Variants in CNTN3 observed in about 807,000 individuals in gnomAD.
CNTN3 encodes contactin-3.
Under a neutral mutation model 119.1 loss-of-function variants are expected in CNTN3, and 60 were observed. The ratio of observed to expected loss-of-function variants is 0.50; its 90% confidence interval spans 0.41 to 0.62. The LOEUF (loss-of-function observed/expected upper bound fraction) is 0.62, where lower values mean the gene tolerates loss of function less well. Ranked by LOEUF, CNTN3 falls within the 20% of genes least tolerant of loss-of-function variation. CNTN3 has a pLI of 0.00. For missense variants in CNTN3, 1,101 were observed against 1,242.4 expected, an observed-to-expected ratio of 0.89 and a Z score of 1.71; for synonymous variants, 450 against 438.7, an observed-to-expected ratio of 1.03 and a Z score of -0.32.
At chr3:74,453,146 T>C (rs143065527) in intron 4 of CNTN3, among the ~76,000 whole-genome samples, 9,621 of 152,112 alleles carry the variant, frequency 0.063, 438 homozygotes, top group South Asian at 0.16. Flanking sequence ...CATCTGGTCC[T>C]GGACTCTTTT....
At chr3:74,596,128 A>G (rs1258665209) in intron 1 of CNTN3, among the ~76,000 whole-genome samples, 1 of 152,154 alleles carries the variant, frequency 6.6e-6, no homozygotes, top group African/African-American at 2.4e-5. Context: ...CCAACTTACA[A>G]GGGACGTGAA....
chr3:74,335,669 C>A (rs1324584391), intron 12 of CNTN3, among the ~76,000 whole-genome samples: 1 of 152,088 alleles, frequency 6.6e-6, no homozygotes. Flanking sequence ...TCACCAAGGT[C>A]CTCATAACCA....
chr3:74,596,169 G>A (rs1464260672), intron 1 of CNTN3, among the ~76,000 whole-genome samples: 1 of 152,080 alleles, frequency 6.6e-6, no homozygotes, highest in Non-Finnish European at 1.5e-5. Flanking sequence ...ACAAACCACT[G>A]CTCAATGAAA....
In CNTN3 at chr3:74,571,713, T is replaced by C. The variant is rs546424772; in HGVS notation, c.-81+42678A>G. 1.1e-4 allele frequency among the ~76,000 whole-genome samples: 17 copies of C among 152,248 alleles called. No individual in the cohort carries two copies. In the East Asian group the frequency reaches 2.1e-3, roughly 19 times the overall value. ...CTTTTTGTCAAAAGAATCCTGCCATTTATTTAGATTACATATATTAGAAAC... is the reference window on the plus strand; with the variant it reads ...CTTTTTGTCAAAAGAATCCTGCCATCTATTTAGATTACATATATTAGAAAC... On this transcript the variant is annotated intron_variant, in intron 1 of 22. Coordinates refer to ENST00000263665, the MANE Select transcript of CNTN3 (RefSeq NM_020872.3).
At chr3:74,420,886 T>A (rs1701605701) in intron 5 of CNTN3, among the ~76,000 whole-genome samples, 1 of 152,174 alleles carries the variant, frequency 6.6e-6, no homozygotes, top group Admixed American at 6.5e-5. Flanking sequence ...GCTGGAGGGT[T>A]TTGTGCTGAA....
At chr3:74,579,075 G>T (rs1033600203) in intron 1 of CNTN3, among the ~76,000 whole-genome samples, 1 of 151,838 alleles carries the variant, frequency 6.6e-6, no homozygotes, top group Non-Finnish European at 1.5e-5. Context: ...AAATTTCCAT[G>T]TAAACAATCA....
At chr3:74,424,669 T>C (rs1217511780) in intron 5 of CNTN3, among the ~76,000 whole-genome samples, 176 bp downstream of exon 5, 1 of 152,218 alleles carries the variant, frequency 6.6e-6, no homozygotes, top group Admixed American at 6.5e-5. Flanking sequence ...TTTAGAAACC[T>C]CTCTGGATGG....
intron 17 of CNTN3, among the ~76,000 whole-genome samples, chr3:74,298,889 GA>G (rs78585763): frequency 5.0e-4 from 28 of 55,816 alleles, no homozygotes; most frequent in East Asian, 2.6e-3. Flanking sequence ...CTCCATCAAG[GA>G]AAAAAAAAAA....
chr3:74,554,356 C>T (rs1449465043), intron 1 of CNTN3, among the ~76,000 whole-genome samples: 1 of 152,098 alleles, frequency 6.6e-6, no homozygotes. Context: ...TAGTGTGATG[C>T]CTCCAGCTTT....
chr3:74,298,931 T>C lies in CNTN3; in HGVS notation c.2167-740A>G, dbSNP rs561351971. 9.5e-5 allele frequency among the ~76,000 whole-genome samples: 14 copies of C among 147,428 alleles called. No individual in the cohort carries two copies. The South Asian group carries it at 3.0e-3, about 32-fold the overall frequency. Reference sequence around the variant, plus strand: ...AGGGAAGTAAATACTAATTTATAAATTAATGAATTACATCCCTGTAACTCT... The same window carrying C: ...AGGGAAGTAAATACTAATTTATAAACTAATGAATTACATCCCTGTAACTCT... On this transcript the variant is annotated intron_variant, in intron 17 of 22. Coordinates refer to ENST00000263665, the MANE Select transcript of CNTN3 (RefSeq NM_020872.3).
intron 13 of CNTN3, among the ~76,000 whole-genome samples, chr3:74,307,907 G>A (rs1702597326): frequency 6.6e-6 from 1 of 152,184 alleles, no homozygotes; most frequent in Non-Finnish European, 1.5e-5. Flanking sequence ...TGGAACCGAG[G>A]TTGAGTAAGC....
intron 5 of CNTN3, among the ~76,000 whole-genome samples, chr3:74,378,491 A>C (rs551287117): frequency 1.3e-5 from 2 of 152,330 alleles, no homozygotes; most frequent in Admixed American, 6.5e-5. Context: ...GAGGGTCCTA[A>C]GATAAGGAGA....
intron 1 of CNTN3, among the ~76,000 whole-genome samples, chr3:74,563,321 G>A (rs751452620): frequency 7.9e-5 from 12 of 152,014 alleles, no homozygotes; most frequent in Non-Finnish European, 1.8e-4. Context: ...CTAAAACACA[G>A]ACAAAAAAGC....
intron 5 of CNTN3, among the ~76,000 whole-genome samples, chr3:74,385,478 T>C (rs564323003): frequency 5.6e-4 from 85 of 152,316 alleles, no homozygotes; most frequent in African/African-American, 1.9e-3. Context: ...ATCGTTAAAG[T>C]AACCTGAAAT....
In CNTN3 at chr3:74,297,948, T is replaced by C. The variant is rs1702375233; in HGVS notation, c.2401+9A>G. ...AGGCGGAACTGATATACAGTCATGT[T>C]TTCCATACCTTCTTCTGCAGAGAAC... On this transcript the variant is annotated intron_variant, in intron 18 of 22. Coordinates refer to ENST00000263665, the MANE Select transcript of CNTN3 (RefSeq NM_020872.3). 1.9e-6 allele frequency: 3 copies of C among 1,603,040 alleles called. No homozygotes were observed. Among genetic ancestry groups the C allele is most frequent in the Middle Eastern group, 1.7e-4 (1 of 6,032 alleles).
At chr3:74,555,546 A>AT (rs1328929933) in intron 1 of CNTN3, among the ~76,000 whole-genome samples, 2 of 152,018 alleles carry the variant, frequency 1.3e-5, no homozygotes, top group African/African-American at 2.4e-5. Context: ...CTGGTCCTGA[A>AT]TTTTTTTGGT....
intron 4 of CNTN3, among the ~76,000 whole-genome samples, chr3:74,436,620 G>A (rs1425200200): frequency 6.6e-6 from 1 of 152,088 alleles, no homozygotes; most frequent in Non-Finnish European, 1.5e-5. Flanking sequence ...ATGAAAAAAG[G>A]AATATGTTGT....
chr3:74,518,250 C>G, intron 2 of CNTN3, among the ~76,000 whole-genome samples: 1 of 151,888 alleles, frequency 6.6e-6, no homozygotes, highest in South Asian at 2.1e-4. Context: ...CCAACAGTGT[C>G]TGCATCTTTT....
chr3:74,340,048 A>C (rs2106721926), intron 11 of CNTN3, among the ~76,000 whole-genome samples: 1 of 152,232 alleles, frequency 6.6e-6, no homozygotes, highest in East Asian at 1.9e-4. Context: ...TACAGCAATA[A>C]AAAAGTACAA....
Sources: allele counts gnomAD v4.1 joint callset (sites outside exome capture counted in the v4.1 genomes callset), GRCh38; gene constraint gnomAD v4.1.1; transcripts MANE v1.5; gene names NCBI Gene and HGNC (gene_info 2026-07-23, HGNC 2026-07-21).